ASTN2: variants seen among roughly 807,000 people sequenced by gnomAD.
The protein encoded by ASTN2 is astrotactin 2, also known as astrotactin-2.
ASTN2 carries 54 observed loss-of-function variants against 139.8 expected under a neutral mutation model. That is an observed-to-expected ratio of 0.39 (90% CI 0.31 to 0.48). ASTN2 has a LOEUF of 0.48. Among genes scored for constraint, ASTN2 ranks in the 20% least tolerant of loss-of-function variants. The pLI is 0.95. For synonymous variants in ASTN2, 756 were observed against 719.5 expected (o/e 1.05, Z -0.81); for missense variants, 1,565 against 1,725.1 (o/e 0.91, Z 1.64).
intron 16 of ASTN2, among the ~76,000 whole-genome samples, chr9:116,673,132 G>A (rs958414769): frequency 2.2e-4 from 34 of 152,110 alleles, no homozygotes; most frequent in Non-Finnish European, 4.1e-4. Flanking sequence ...GTAACCAATG[G>A]AATCATCTAG....
chr9:116,750,213 A>G (rs557727397), intron 13 of ASTN2, among the ~76,000 whole-genome samples: 2 of 152,362 alleles, frequency 1.3e-5, no homozygotes, highest in South Asian at 2.1e-4. Context: ...AAATAATCAA[A>G]GCCACATTTT....
chr9:117,049,254 T>C (rs1208981136), intron 5 of ASTN2, among the ~76,000 whole-genome samples: 1 of 152,138 alleles, frequency 6.6e-6, no homozygotes, highest in Non-Finnish European at 1.5e-5. Context: ...ACCAGATGTA[T>C]CTTGAAAAGA....
chr9:117,281,456 AG>A (rs1834322450), intron 2 of ASTN2, among the ~76,000 whole-genome samples: 1 of 152,200 alleles, frequency 6.6e-6, no homozygotes, highest in Admixed American at 6.5e-5. Flanking sequence ...GAGAGGCAGA[AG>A]TTCCAATATA....
intron 2 of ASTN2, among the ~76,000 whole-genome samples, chr9:117,233,326 A>G (rs1273698811): frequency 2.0e-5 from 3 of 152,236 alleles, no homozygotes; most frequent in Non-Finnish European, 4.4e-5. Context: ...TGGCAACTTA[A>G]TCCTGTTAAT....
In ASTN2 at chr9:116,699,287, G is replaced by A; in HGVS notation, c.2806+26484C>T. ...ACAGCTGCCTATGTAGTGCTGTGCGGCCCAAATTTGTCACCTGTGATGCTG... is the reference window on the plus strand; with the variant it reads ...ACAGCTGCCTATGTAGTGCTGTGCGACCCAAATTTGTCACCTGTGATGCTG... On this transcript the variant is annotated intron_variant, in intron 16 of 22. Transcript: ENST00000313400. This position sits in a 1 kb window ranked among gnomAD's most constrained non-coding sequence, Gnocchi z 4.2. The A allele has an allele frequency of 6.2e-7, 1 of 1,614,192 alleles. No homozygotes were observed. Among genetic ancestry groups the A allele is most frequent in the Non-Finnish European group, 8.5e-7 (1 of 1,180,042 alleles).
chr9:117,174,221 A>G (rs1830864619), intron 3 of ASTN2, among the ~76,000 whole-genome samples: 1 of 152,020 alleles, frequency 6.6e-6, no homozygotes, highest in African/African-American at 2.4e-5. Flanking sequence ...TCACAGGTAT[A>G]CAAACACACA....
At chr9:117,402,872 A>G (rs946851516) in intron 1 of ASTN2, among the ~76,000 whole-genome samples, 1 of 152,132 alleles carries the variant, frequency 6.6e-6, no homozygotes, top group African/African-American at 2.4e-5. Flanking sequence ...CTCCTTAGAG[A>G]TGACACCCCT....
chr9:116,947,188 G>C (rs1281882855), intron 10 of ASTN2, among the ~76,000 whole-genome samples: 1 of 152,160 alleles, frequency 6.6e-6, no homozygotes, highest in Non-Finnish European at 1.5e-5. Flanking sequence ...TCCATCACCT[G>C]TTGGACGTGG....
At chr9:116,632,412 T>C (rs560186780) in intron 17 of ASTN2, among the ~76,000 whole-genome samples, 3 of 151,452 alleles carry the variant, frequency 2.0e-5, no homozygotes, top group African/African-American at 4.8e-5. Flanking sequence ...CTGGCCAATA[T>C]AGTGAGACCT....
At chr9:117,264,925 C>A (rs938236729) in intron 2 of ASTN2, among the ~76,000 whole-genome samples, 2 of 152,118 alleles carry the variant, frequency 1.3e-5, no homozygotes, top group Non-Finnish European at 2.9e-5. Context: ...TCAGGAAGGA[C>A]CTTGGCAACA....
intron 19 of ASTN2, among the ~76,000 whole-genome samples, chr9:116,596,385 G>A (rs1854578708): frequency 6.6e-6 from 1 of 152,082 alleles, no homozygotes; most frequent in Non-Finnish European, 1.5e-5. Flanking sequence ...AGTGAATATG[G>A]TATTGTGTGC....
chr9:116,447,971 G>T (rs778503831), intron 20 of ASTN2, among the ~76,000 whole-genome samples: 3 of 152,132 alleles, frequency 2.0e-5, no homozygotes, highest in Non-Finnish European at 4.4e-5. Flanking sequence ...ATGAAACCAA[G>T]AAGTTAATTG....
chr9:116,922,721 A>G (rs186694410), intron 10 of ASTN2, among the ~76,000 whole-genome samples: 1 of 152,320 alleles, frequency 6.6e-6, no homozygotes, highest in Non-Finnish European at 1.5e-5. Flanking sequence ...TAGTAGAAAA[A>G]GCAAGTTTCA....
chr9:116,650,388 G>A lies in ASTN2; in HGVS notation c.3072+1140C>T, dbSNP rs537608334. ...TTCTATAATTAAAAGTGAGAGAACC[G>A]AAGAGAAAAAAAGAAGCAATAATTT... On this transcript the variant is annotated intron_variant, in intron 17 of 22. Coordinates refer to ENST00000313400, the MANE Select transcript of ASTN2 (RefSeq NM_001365068.1). Among the ~76,000 whole-genome samples the A allele has an allele frequency of 9.9e-5, 15 of 152,054 alleles. 1 individual carries two copies. In the South Asian group the frequency reaches 2.7e-3, roughly 27 times the overall value.
intron 5 of ASTN2, among the ~76,000 whole-genome samples, chr9:117,060,581 A>AAGGCAGGC (rs201118304): frequency 1.7e-3 from 207 of 120,704 alleles, no homozygotes; most frequent in African/African-American, 6.1e-3. Context: ...GGAGGGAAAG[A>AAGGCAGGC]AGGCAGGAAG....
intron 1 of ASTN2, among the ~76,000 whole-genome samples, chr9:117,300,204 G>T (rs964205239): frequency 2.0e-5 from 3 of 152,178 alleles, no homozygotes; most frequent in Non-Finnish European, 4.4e-5. Context: ...TGGAGGAAAA[G>T]ATCAATTTGA....
chr9:116,440,055 G>A (rs978871565), intron 22 of ASTN2, among the ~76,000 whole-genome samples: 9 of 152,290 alleles, frequency 5.9e-5, no homozygotes, highest in Admixed American at 5.2e-4. Flanking sequence ...AGAAAATAGT[G>A]ACTGTGCCTT....
intron 19 of ASTN2, among the ~76,000 whole-genome samples, chr9:116,540,147 T>C (rs1482483912): frequency 6.6e-6 from 1 of 152,198 alleles, no homozygotes; most frequent in Non-Finnish European, 1.5e-5. Context: ...TCTCCATTCC[T>C]AAGATTTCAT....
chr9:117,226,895 T>C (rs1219855725), intron 2 of ASTN2, among the ~76,000 whole-genome samples: 1 of 152,180 alleles, frequency 6.6e-6, no homozygotes, highest in Non-Finnish European at 1.5e-5. Context: ...AGGGCTGATG[T>C]GAGATCCCTA....
Sources: allele counts gnomAD v4.1 joint callset (sites outside exome capture counted in the v4.1 genomes callset), GRCh38; gene constraint gnomAD v4.1.1; non-coding constraint Gnocchi (gnomAD v3.1); transcripts MANE v1.5; gene names NCBI Gene and HGNC (gene_info 2026-07-23, HGNC 2026-07-21).